The following EXT2 variants were observed in gnomAD, a reference collection of about 807,000 sequenced individuals.
EXT2 encodes exostosin glycosyltransferase 2, also known as exostosin-2.
In EXT2, 53 loss-of-function variants were observed where a neutral mutation model predicts 81.6. That is an observed-to-expected ratio of 0.65 (90% confidence interval 0.52 to 0.82). The LOEUF is 0.82. EXT2 is among the 40% of genes least tolerant of loss of function. EXT2 has a pLI of 0.00. For missense variants in EXT2, 774 were observed against 910.2 expected, an observed-to-expected ratio of 0.85 and a Z score of 1.93; for synonymous variants, 320 against 340.0, an observed-to-expected ratio of 0.94 and a Z score of 0.65.
At chr11:44,235,583 G>C (rs1955953897) in intron 12 of EXT2, among the ~76,000 whole-genome samples, 1 of 152,040 alleles carries the variant, frequency 6.6e-6, no homozygotes, top group Non-Finnish European at 1.5e-5. Context: ...CATGTTTTTA[G>C]CTGTGGCTGC....
chr11:44,222,207 G>A (rs1489162458), intron 10 of EXT2, among the ~76,000 whole-genome samples: 2 of 152,126 alleles, frequency 1.3e-5, no homozygotes, highest in Admixed American at 6.5e-5. Flanking sequence ...GTTGGGTGGA[G>A]GTCATGACCA....
At chr11:44,204,482 C>T (rs1955557965) in intron 9 of EXT2, among the ~76,000 whole-genome samples, 1 of 152,002 alleles carries the variant, frequency 6.6e-6, no homozygotes, top group South Asian at 2.1e-4. Context: ...TTTTGAAAAC[C>T]ACCGGTCTGG....
chr11:44,206,731 T>C, intron 9 of EXT2, 62 bp from the exon 10 acceptor site: 2 of 1,575,092 alleles, frequency 1.3e-6, no homozygotes, highest in Non-Finnish European at 1.7e-6. Flanking sequence ...ATGTCATGCT[T>C]TTACTACTTT....
chr11:44,223,715 A>T (rs1263605722), intron 10 of EXT2, among the ~76,000 whole-genome samples: 1 of 142,826 alleles, frequency 7.0e-6, no homozygotes, highest in Non-Finnish European at 1.5e-5. Context: ...TAGTGGCGTG[A>T]TCTCCGCTTA....
chr11:44,197,750 T>G, intron 8 of EXT2, 79 bp from the exon 9 acceptor site: 4 of 1,455,120 alleles, frequency 2.7e-6, no homozygotes, highest in Non-Finnish European at 3.9e-6. Context: ...GCCTGCCATG[T>G]TTGGGTTTGC....
At chr11:44,108,959 T>C (rs1271508218) in intron 2 of EXT2, among the ~76,000 whole-genome samples, 1 of 152,198 alleles carries the variant, frequency 6.6e-6, no homozygotes, top group East Asian at 1.9e-4. Context: ...AACTTTTCAT[T>C]ATTAGAAGCA....
At position 44,213,421 on chromosome 11, in the gene EXT2, G is replaced by A. The variant is rs1457552181; in HGVS notation, c.1662+6462G>A. 2.0e-5 allele frequency among the ~76,000 whole-genome samples: 3 copies of A among 152,144 alleles called. No homozygotes were observed. The East Asian group carries it at 5.8e-4, about 29-fold the overall frequency. ...CGCCAACAAGGTGACACAGATGTTA[G>A]AATTATCTGGTAAAGATTTTTAAAA... On this transcript the variant is annotated intron_variant, in intron 10 of 13. Coordinates refer to ENST00000533608, the MANE Select transcript of EXT2 (RefSeq NM_207122.2).
chr11:44,175,774 A>C (rs971585673), intron 8 of EXT2, among the ~76,000 whole-genome samples: 1 of 152,132 alleles, frequency 6.6e-6, no homozygotes, highest in Non-Finnish European at 1.5e-5. Flanking sequence ...TTGACATATA[A>C]AGGAAAGAAA....
At chr11:44,239,172 C>A (rs1305030941) in intron 13 of EXT2, among the ~76,000 whole-genome samples, 2 of 151,840 alleles carry the variant, frequency 1.3e-5, no homozygotes, top group Non-Finnish European at 2.9e-5. Flanking sequence ...TGTGGGGAGG[C>A]TATGAAGAAG....
chr11:44,193,991 G>A (rs1238269287), intron 8 of EXT2, among the ~76,000 whole-genome samples: 32 of 152,172 alleles, frequency 2.1e-4, no homozygotes, highest in Admixed American at 2.0e-3. Flanking sequence ...TCTTGCCAGC[G>A]ACTCTGGTTC....
chr11:44,127,049 A>G, intron 6 of EXT2, 94 bp downstream of exon 6: 1 of 1,456,754 alleles, frequency 6.9e-7, no homozygotes. Context: ...ACCCTGGTTC[A>G]AGAACTACTA....
rs190464735 is a variant in EXT2, at chr11:44,190,966, T to G, written c.1306-6863T>G. Among the ~76,000 whole-genome samples, 10 of 152,340 alleles carry G rather than the reference T, an allele frequency of 6.6e-5. No homozygotes were observed. In the East Asian group the frequency reaches 7.7e-4, roughly 12 times the overall value. On this transcript the variant is annotated intron_variant, in intron 8 of 13. Coordinates refer to ENST00000533608, the MANE Select transcript of EXT2 (RefSeq NM_207122.2). ...ACAACTAGTTGCTTGAGTTTGAATC[T>G]CTTTCCTGAAGGGGAAACCCCTTTG... is the stretch of plus-strand genomic sequence containing the variant.
intron 1 of EXT2, among the ~76,000 whole-genome samples, chr11:44,098,694 CAAAAA>C (rs781017263): frequency 1.4e-5 from 1 of 72,462 alleles, no homozygotes. Flanking sequence ...GATTCTGTCT[CAAAAA>C]AAAAAAAAAA....
intron 9 of EXT2, among the ~76,000 whole-genome samples, chr11:44,200,293 C>A (rs1371201964): frequency 6.6e-6 from 1 of 151,456 alleles, no homozygotes; most frequent in African/African-American, 2.4e-5. Flanking sequence ...AAATCTACCC[C>A]CCTTCCCACT....
Position 44,244,142 on chromosome 11 carries a change from C to T in EXT2, c.2019-7C>T, listed in dbSNP as rs754208524. The T allele has an allele frequency of 3.7e-6, 6 of 1,613,892 alleles. No homozygotes were observed. Among genetic ancestry groups the T allele is most frequent in the Non-Finnish European group, 5.1e-6 (6 of 1,179,868 alleles). On this transcript the variant is annotated splice_polypyrimidine_tract_variant and splice_region_variant and intron_variant, in intron 13 of 13. Transcript: ENST00000533608. ...CCTCCTCCCCACCTCCTCTCCAAATCCCACAGGTCAGAGTGCATCAACAAG... is the reference window on the plus strand; with the variant it reads ...CCTCCTCCCCACCTCCTCTCCAAATTCCACAGGTCAGAGTGCATCAACAAG...
Position 44,233,774 on chromosome 11 carries a change from T to C in EXT2, c.1807-341T>C, listed in dbSNP as rs552587981. Among the ~76,000 whole-genome samples, 7 of 152,320 alleles carry C rather than the reference T, an allele frequency of 4.6e-5. No individual in the cohort carries two copies. In the South Asian group the frequency reaches 1.2e-3, roughly 27 times the overall value. ...AAACAAAAAAACCCAAAAACTAAGG[T>C]TTACAATTCATGGGATTTACAGTAG... On this transcript the variant is annotated intron_variant, in intron 11 of 13. Transcript: ENST00000533608.
At chr11:44,192,410 A>G (rs564849233) in intron 8 of EXT2, among the ~76,000 whole-genome samples, 10 of 152,146 alleles carry the variant, frequency 6.6e-5, no homozygotes, top group Admixed American at 4.6e-4. Context: ...TTTTGAGAGG[A>G]AGGAAAGTGT....
chr11:44,234,962 A>G (rs539580340), intron 12 of EXT2, among the ~76,000 whole-genome samples: 3 of 152,280 alleles, frequency 2.0e-5, no homozygotes, highest in South Asian at 2.1e-4. Context: ...TAGAAAGCCA[A>G]ATTCCTAGGT....
chr11:44,118,554 A>G (rs1239314407), intron 4 of EXT2, among the ~76,000 whole-genome samples: 1 of 152,204 alleles, frequency 6.6e-6, no homozygotes. Context: ...CACTAAATAG[A>G]AACTTGGAAG....
Sources: gnomAD v4.1 joint callset for allele counts (sites outside exome capture counted in the v4.1 genomes callset) on GRCh38, gnomAD v4.1.1 for gene constraint, MANE v1.5 for transcripts, NCBI Gene and HGNC (gene_info 2026-07-23, HGNC 2026-07-21) for gene names.